The following DHCR7 variants were observed in gnomAD, a reference collection of about 807,000 sequenced individuals.
DHCR7 encodes 7-dehydrocholesterol reductase, also known as 7-DHC reductase.
A neutral mutation model predicts 43.3 loss-of-function variants in DHCR7; 40 were observed. The observed-to-expected ratio is 0.92, with a 90% CI of 0.72 to 1.20. The LOEUF (loss-of-function observed/expected upper bound fraction) is 1.20. Ranked by LOEUF, DHCR7 falls within the 50% of genes most tolerant of loss-of-function variation. The pLI is 0.00. For missense variants in DHCR7, 608 were observed against 644.6 expected (o/e 0.94, Z 0.62); for synonymous variants, 298 against 271.4 (o/e 1.10, Z -0.96).
intron 8 of DHCR7, among the ~76,000 whole-genome samples, chr11:71,437,273 C>T (rs1281835612): frequency 6.6e-6 from 1 of 152,200 alleles, no homozygotes; most frequent in African/African-American, 2.4e-5. Context: ...TAAGCAAGTG[C>T]CCTGGGGTGA....
At chr11:71,439,626 C>G (rs2135943360) in intron 6 of DHCR7, among the ~76,000 whole-genome samples, 2 of 152,314 alleles carry the variant, frequency 1.3e-5, no homozygotes, top group Admixed American at 1.3e-4. Context: ...GACCAGTTAC[C>G]TGAATCCCCC....
At chr11:71,431,111 C>T (rs915959484), downstream of DHCR7, among the ~76,000 whole-genome samples, 2 of 152,098 alleles carry the variant, frequency 1.3e-5, no homozygotes, top group Non-Finnish European at 1.5e-5. Context: ...GCAGAGATTG[C>T]GCCACTGCAC....
chr11:71,441,171 C>G (rs1377360202), intron 6 of DHCR7, 56 bp downstream of exon 6: 8 of 1,549,932 alleles, frequency 5.2e-6, no homozygotes, highest in African/African-American at 2.7e-5. Context: ...GCAAGAAAGG[C>G]CAGGGGTGAA....
At chr11:71,447,033 C>T (rs1565590938) in intron 2 of DHCR7, among the ~76,000 whole-genome samples, 1 of 152,198 alleles carries the variant, frequency 6.6e-6, no homozygotes, top group Non-Finnish European at 1.5e-5. Context: ...TTAGTTTCTT[C>T]CCAGCCAAAA....
At chr11:71,428,760 C>A in exon 3 of DHCR7, 2 of 449,488 alleles carry the variant, frequency 4.4e-6, no homozygotes, top group South Asian at 3.1e-5. Context: ...GTTCTGCAGA[C>A]GCCTTTGCTG....
Position 71,444,198 on chromosome 11 carries a change from GA to G in DHCR7, c.115del (p.Ser39HisfsTer30). On this transcript the variant is annotated frameshift_variant, in exon 4 of 9. Transcript: ENST00000355527. LOFTEE classifies it high-confidence loss of function. ...CAGTAGGAAGATGACGCTCGCCAGTGAAAACCAGTCCACCTCCCTGCGAGGA... is the reference window on the plus strand; with the variant it reads ...CAGTAGGAAGATGACGCTCGCCAGTGAAACCAGTCCACCTCCCTGCGAGGA... The part of the protein sequence containing the change: ...WGRAWEVDWF[S>X]LASVIFLLLF... The G allele has an allele frequency of 6.3e-7, 1 of 1,594,730 alleles. No individual in the cohort carries two copies. Among genetic ancestry groups the G allele is most frequent in the Admixed American group, 1.7e-5 (1 of 57,166 alleles).
Position 71,444,198 on chromosome 11 carries a change from G to T in DHCR7, c.116C>A (p.Ser39Ter). Residue 39 changes from serine (S) to a stop codon, truncating the protein, a stop_gained, in exon 4 of 9, where the codon TCA becomes TAA. Coordinates refer to ENST00000355527, the MANE Select transcript of DHCR7 (RefSeq NM_001360.3). LOFTEE classifies it high-confidence loss of function. ...CAGTAGGAAGATGACGCTCGCCAGT[G>T]AAAACCAGTCCACCTCCCTGCGAGG... ...WGRAWEVDWFSLASVIFLLLF... is the reference protein window; with the variant it reads ...WGRAWEVDWF 1 of 1,594,734 alleles carries T rather than the reference G, an allele frequency of 6.3e-7. No homozygotes were observed. Among genetic ancestry groups the T allele is most frequent in the Non-Finnish European group, 8.5e-7 (1 of 1,169,830 alleles).
chr11:71,440,839 G>A (rs958027821), intron 6 of DHCR7, among the ~76,000 whole-genome samples: 3 of 152,120 alleles, frequency 2.0e-5, no homozygotes, highest in Non-Finnish European at 2.9e-5. Flanking sequence ...CTGGGAAGCT[G>A]TTAATTAAAG....
Position 71,435,309 on chromosome 11 carries a change from AG to A in DHCR7, c.*65del. 6.5e-7 allele frequency: 1 copy of A among 1,548,486 alleles called. No homozygotes were observed. Among genetic ancestry groups the A allele is most frequent in the Non-Finnish European group, 8.8e-7 (1 of 1,130,072 alleles). On this transcript the variant is annotated 3_prime_UTR_variant, in exon 9 of 9. Transcript: ENST00000355527. ...CTCCTCGAGTTGGAGCTGGGATGCCAGCCCCCATGGACCTGGCAGAACACGC... is the reference window on the plus strand; with the variant it reads ...CTCCTCGAGTTGGAGCTGGGATGCCACCCCCATGGACCTGGCAGAACACGC...
At chr11:71,439,857 C>A (rs932305172) in intron 6 of DHCR7, among the ~76,000 whole-genome samples, 1 of 152,234 alleles carries the variant, frequency 6.6e-6, no homozygotes, top group East Asian at 1.9e-4. Flanking sequence ...AGGCCAGCCT[C>A]GTTATCTGAT....
chr11:71,430,456 C>T (rs1029694822), downstream of DHCR7, among the ~76,000 whole-genome samples: 1 of 151,970 alleles, frequency 6.6e-6, no homozygotes, highest in Admixed American at 6.6e-5. Flanking sequence ...CCCCAAAGCC[C>T]CAGAGGCAGT....
intron 2 of DHCR7, 74 bp from the exon 3 acceptor site, chr11:71,445,032 T>C (rs553591098): frequency 4.5e-4 from 603 of 1,326,272 alleles, no homozygotes; most frequent in Non-Finnish European, 6.4e-4. Context: ...CATCCACCAC[T>C]GCTCCTGGGC....
Position 71,437,798 on chromosome 11 carries a change from G to A in DHCR7, c.963+14C>T. ...CCAAATGCCCCGCTGGGCCAGCTCT[G>A]CCCACCTCCTCACCTGCAGCGTGTA... On this transcript the variant is annotated intron_variant, in intron 8 of 8. Transcript: ENST00000355527. 6.2e-7 allele frequency: 1 copy of A among 1,613,620 alleles called. No individual in the cohort carries two copies. The highest frequency in any genetic ancestry group is 8.5e-7 in the Non-Finnish European group (1 of 1,179,990).
In DHCR7 at chr11:71,435,431, C is replaced by A. The variant is rs1473523418; in HGVS notation, c.1372G>T (p.Asp458Tyr). 6.2e-7 allele frequency: 1 copy of A among 1,612,654 alleles called. No individual in the cohort carries two copies. Among genetic ancestry groups the A allele is most frequent in the Admixed American group, 1.7e-5 (1 of 60,008 alleles). The change falls in exon 9 of 9, where the codon GAC (aspartate) becomes TAC (tyrosine). Residue 458 changes from aspartate to tyrosine, a missense_variant. By Grantham distance (160) the Asp-to-Tyr change is radical. Transcript: ENST00000355527. ...ACTGCGGCGGTGTAGCGCTCCCAGT[C>A]CCGGCCGTACTTGCTGGCGCAGCGG... The part of the protein sequence containing the change: ...EHRCASKYGR[D>Y]WERYTAAVPY...
chr11:71,441,369 C>T lies in DHCR7; in HGVS notation c.484G>A (p.Ala162Thr), dbSNP rs767716202. ...LLTHLLWFAN[A>T]HLLSWFSPTI... ...GGCGAGAACCAGGACAGGAGATGAG[C>T]GTTTGCAAACCAGAGCAGGTGCGTG... Residue 162 changes from alanine to threonine, a missense_variant, in exon 6 of 9, where the codon GCT becomes ACT. Transcript: ENST00000355527. 9.3e-6 allele frequency: 15 copies of T among 1,614,080 alleles called. No homozygotes were observed. The highest frequency in any genetic ancestry group is 6.6e-5 in the South Asian group (6 of 91,090).
chr11:71,431,337 A>T (rs866730817), downstream of DHCR7, among the ~76,000 whole-genome samples: 5 of 152,228 alleles, frequency 3.3e-5, no homozygotes, highest in African/African-American at 1.2e-4. Flanking sequence ...CTTGGCTTTC[A>T]GGCTTTAAAC....
At chr11:71,434,211 C>T (rs992705666), downstream of DHCR7, among the ~76,000 whole-genome samples, 1 of 152,220 alleles carries the variant, frequency 6.6e-6, no homozygotes, top group African/African-American at 2.4e-5. Context: ...ACAGCCCCAG[C>T]AAAGGGCTGA....
rs949177 is a variant in DHCR7, at chr11:71,441,415, A to C, written c.438T>G (p.Asn146Lys). Reference protein sequence around the residue: ...PAGVVNKYQINGLQAWLLTHL... With the variant: ...PAGVVNKYQIKGLQAWLLTHL... ...GCGTGAGGAGCCAGGCTTGCAGGCC[A>C]TTGATCTGATACTTGTTCACAACCC... The change falls in exon 6 of 9, where the codon AAT becomes AAG. Residue 146 changes from asparagine to lysine, a missense_variant. Physicochemically the swap from Asn to Lys is moderately conservative, Grantham distance 94. Transcript: ENST00000355527. 4.3e-6 allele frequency: 7 copies of C among 1,613,516 alleles called. No homozygotes were observed. The highest frequency in any genetic ancestry group is 5.9e-6 in the Non-Finnish European group (7 of 1,179,818).
chr11:71,447,225 T>G (rs1949414682), intron 2 of DHCR7, among the ~76,000 whole-genome samples: 1 of 152,184 alleles, frequency 6.6e-6, no homozygotes. Flanking sequence ...ACATTATCAA[T>G]TATGTAAAAC....
Sources: allele counts gnomAD v4.1 joint callset (sites outside exome capture counted in the v4.1 genomes callset), GRCh38; gene constraint gnomAD v4.1.1; transcripts MANE v1.5; gene names NCBI Gene and HGNC (gene_info 2026-07-23, HGNC 2026-07-21).